CCDC6: variants seen among roughly 807,000 people sequenced by gnomAD.
CCDC6 encodes coiled-coil domain containing 6, also known as coiled-coil domain-containing protein 6.
Under a neutral mutation model 56.6 loss-of-function variants are expected in CCDC6, and 20 were observed. That is an observed-to-expected ratio of 0.35 (90% CI 0.25 to 0.51). The LOEUF (loss-of-function observed/expected upper bound fraction) is 0.51, where lower values mean the gene tolerates loss of function less well. Ranked by LOEUF, CCDC6 falls within the 20% of genes least tolerant of loss-of-function variation. The probability of loss-of-function intolerance (pLI) is 0.95; values close to 1 mark genes in which losing one functional copy is unlikely to be tolerated. For missense variants in CCDC6, 367 were observed against 601.1 expected (o/e 0.61, Z 4.07); for synonymous variants, 241 against 234.4 (o/e 1.03, Z -0.26).
At chr10:59,889,829 A>G (rs2071408637) in intron 1 of CCDC6, among the ~76,000 whole-genome samples, 1 of 151,662 alleles carries the variant, frequency 6.6e-6, no homozygotes, top group African/African-American at 2.4e-5. Context: ...TGATGGCACT[A>G]CCTCCTCCCT....
At chr10:59,903,488 G>A (rs11817261) in intron 1 of CCDC6, among the ~76,000 whole-genome samples, 26,798 of 152,038 alleles carry the variant, frequency 0.18, 3,053 homozygotes, top group Middle Eastern at 0.27. Context: ...AAAACAAGTC[G>A]GGGGAAAAAA....
rs575864216 is a variant in CCDC6 at position 59,834,816 on chromosome 10, C to T, written c.454-2163G>A. Among the ~76,000 whole-genome samples the T allele has an allele frequency of 7.9e-5, 12 of 152,162 alleles. No homozygotes were observed. The East Asian group carries it at 1.2e-3, about 15-fold the overall frequency. On this transcript the variant is annotated intron_variant, in intron 2 of 8. Transcript: ENST00000263102. ...CAAGCAGCAATTAAAAGAACTAAGA[C>T]GAATGAATAGAGAACAAGAAGAGTT...
At chr10:59,878,343 T>A (rs2132673181) in intron 1 of CCDC6, among the ~76,000 whole-genome samples, 1 of 152,316 alleles carries the variant, frequency 6.6e-6, no homozygotes, top group East Asian at 1.9e-4. Flanking sequence ...GTTTATTTCA[T>A]CTACTTGAAT....
chr10:59,792,811 G>A lies in CCDC6; in HGVS notation c.*106C>T. On this transcript the variant is annotated 3_prime_UTR_variant, in exon 9 of 9. Coordinates refer to ENST00000263102, the MANE Select transcript of CCDC6 (RefSeq NM_005436.5). ...GGATAGTGAAGCCTAGATAACCTCA[G>A]TGCAAATAAGTCATATCCAAATATG... 1 of 1,128,600 alleles carries A rather than the reference G, an allele frequency of 8.9e-7. No individual in the cohort carries two copies. Among genetic ancestry groups the A allele is most frequent in the Non-Finnish European group, 1.4e-6 (1 of 740,522 alleles). The allele number at this position is 1,128,600 out of a possible 1,614,324, so 69.9% of individuals were successfully genotyped here.
At chr10:59,827,722 A>T (rs2070800131) in intron 3 of CCDC6, among the ~76,000 whole-genome samples, 1 of 152,168 alleles carries the variant, frequency 6.6e-6, no homozygotes, top group African/African-American at 2.4e-5. Flanking sequence ...AAGAAGGGGG[A>T]CATCTCAGAT....
At chr10:59,805,635 A>G (rs1365193681) in intron 6 of CCDC6, 1 of 152,202 alleles carries the variant, frequency 6.6e-6, no homozygotes, top group Admixed American at 6.5e-5. Context: ...AGTTTTAGTC[A>G]AATGGTTCTT....
chr10:59,798,698 T>C lies in CCDC6; in HGVS notation c.1106-4101A>G, dbSNP rs947746175. ...GTGATTACATTTAAGAGAAAGGCTA[T>C]AAAATATAAAAGTGGGCTGGACGTG... On this transcript the variant is annotated intron_variant, in intron 7 of 8. Coordinates refer to ENST00000263102, the MANE Select transcript of CCDC6 (RefSeq NM_005436.5). Among the ~76,000 whole-genome samples, 6 of 152,264 alleles carry C rather than the reference T, an allele frequency of 3.9e-5. No homozygotes were observed. The East Asian group carries it at 9.6e-4, about 24-fold the overall frequency.
chr10:59,819,248 C>A (rs2070733103), intron 3 of CCDC6, among the ~76,000 whole-genome samples: 1 of 152,154 alleles, frequency 6.6e-6, no homozygotes, highest in African/African-American at 2.4e-5. Context: ...ACTATACTGA[C>A]AATGTTAAGT....
rs139404105 is a variant in CCDC6 at position 59,804,452 on chromosome 10, G to A, written c.1073C>T (p.Pro358Leu). 8.7e-6 allele frequency: 14 copies of A among 1,612,642 alleles called. No homozygotes were observed. In the African/African-American group the frequency reaches 1.7e-4, roughly 20 times the overall value. Residue 358 changes from proline (P) to leucine (L), a missense_variant, in exon 7 of 9, where the codon CCT (proline) becomes CTT (leucine). By Grantham distance (98) the Pro-to-Leu change is moderately conservative. Coordinates refer to ENST00000263102, the MANE Select transcript of CCDC6 (RefSeq NM_005436.5). ...TATAGGCCTGCTTGAACTCGGAGAA[G>A]GTGTGTAAGGGATCGGGCTGGACAC... ...RTVSSPIPYTPSPSSSRPISP... is the reference protein window; with the variant it reads ...RTVSSPIPYTLSPSSSRPISP...
intron 7 of CCDC6, among the ~76,000 whole-genome samples, chr10:59,803,440 T>C (rs995058058): frequency 6.6e-6 from 1 of 152,246 alleles, no homozygotes; most frequent in Non-Finnish European, 1.5e-5. Flanking sequence ...CACTCTATTC[T>C]ACTGCAAAAC....
intron 7 of CCDC6, among the ~76,000 whole-genome samples, chr10:59,802,399 A>G (rs1316130370): frequency 6.6e-6 from 1 of 152,216 alleles, no homozygotes; most frequent in Non-Finnish European, 1.5e-5. Flanking sequence ...GTGATTAGAT[A>G]TTCTTAATGC....
intron 7 of CCDC6, among the ~76,000 whole-genome samples, chr10:59,802,108 T>C (rs1303199859): frequency 6.6e-6 from 1 of 152,230 alleles, no homozygotes; most frequent in Non-Finnish European, 1.5e-5. Context: ...ATATCCTTCA[T>C]TATACTGCAT....
chr10:59,847,813 T>C (rs1241329630), intron 2 of CCDC6, among the ~76,000 whole-genome samples: 1 of 146,512 alleles, frequency 6.8e-6, no homozygotes, highest in African/African-American at 2.6e-5. Context: ...AATAGCCTTT[T>C]AGACTTTTTT....
At chr10:59,841,671 GTTTGT>G (rs2070940471) in intron 2 of CCDC6, among the ~76,000 whole-genome samples, 1 of 141,022 alleles carries the variant, frequency 7.1e-6, no homozygotes. Context: ...TGTTTTTTTT[GTTTGT>G]TTTTTTTTTT....
At chr10:59,900,403 G>A (rs115805264) in intron 1 of CCDC6, among the ~76,000 whole-genome samples, 1,944 of 152,212 alleles carry the variant, frequency 0.013, 47 homozygotes, top group African/African-American at 0.044. Context: ...GGGGACGAGC[G>A]GCACCATTGA....
At chr10:59,853,229 A>C (rs2071053603) in intron 1 of CCDC6, among the ~76,000 whole-genome samples, 1 of 152,212 alleles carries the variant, frequency 6.6e-6, no homozygotes, top group South Asian at 2.1e-4. Context: ...AGGTTTGGAT[A>C]TGCCATTAAA....
chr10:59,862,503 A>G (rs1465463145), intron 1 of CCDC6, among the ~76,000 whole-genome samples: 2 of 62,186 alleles, frequency 3.2e-5, no homozygotes, highest in South Asian at 1.1e-3. Context: ...AAAAAAAAGT[A>G]TATATATATA....
chr10:59,818,278 C>T (rs887702580), intron 3 of CCDC6, among the ~76,000 whole-genome samples: 7 of 152,098 alleles, frequency 4.6e-5, no homozygotes, highest in Admixed American at 1.3e-4. Context: ...ATCTCGGCTC[C>T]TTCCTGGCAT....
At chr10:59,856,803 A>T (rs1309724012) in intron 1 of CCDC6, among the ~76,000 whole-genome samples, 1 of 152,206 alleles carries the variant, frequency 6.6e-6, no homozygotes, top group Non-Finnish European at 1.5e-5. Flanking sequence ...ATTCAAAATT[A>T]AAAATCCATT....
Sources: gnomAD v4.1 joint callset for allele counts (sites outside exome capture counted in the v4.1 genomes callset) on GRCh38, gnomAD v4.1.1 for gene constraint, MANE v1.5 for transcripts, NCBI Gene and HGNC (gene_info 2026-07-23, HGNC 2026-07-21) for gene names.